RANBP2: variants seen among roughly 807,000 people sequenced by gnomAD.
The protein encoded by RANBP2 is E3 SUMO-protein ligase RanBP2.
A neutral mutation model predicts 303.6 loss-of-function variants in RANBP2; 57 were observed. The ratio of observed to expected loss-of-function variants is 0.19; its 90% CI spans 0.15 to 0.23. The LOEUF is 0.23. Among genes scored for constraint, RANBP2 ranks in the 10% least tolerant of loss-of-function variants. RANBP2 has a pLI of 1.00. For synonymous variants in RANBP2, 1,167 were observed against 1,301.5 expected (o/e 0.90, Z 2.23); for missense variants, 3,138 against 3,780.8 (o/e 0.83, Z 4.46).
chr2:109,432,055 C>T, the RANBP2 span, among the ~76,000 whole-genome samples: 1 of 152,146 alleles, frequency 6.6e-6, no homozygotes, highest in Non-Finnish European at 1.5e-5. Flanking sequence ...AAACCCAGCC[C>T]AAGAATAGCT....
intron 12 of RANBP2, 56 bp downstream of exon 12, chr2:108,752,050 A>C: frequency 6.2e-7 from 1 of 1,604,060 alleles, no homozygotes; most frequent in Non-Finnish European, 8.5e-7. Context: ...TTTTAAAATC[A>C]TGAACTTTTT....
chr2:109,216,210 A>G, the RANBP2 span, among the ~76,000 whole-genome samples: 1 of 152,134 alleles, frequency 6.6e-6, no homozygotes, highest in South Asian at 2.1e-4. Flanking sequence ...CCATCATTGC[A>G]TCTACTGTTG....
chr2:108,839,351 A>C, the RANBP2 span: 1 of 1,444,146 alleles, frequency 6.9e-7, no homozygotes, highest in Non-Finnish European at 9.5e-7. Context: ...ACCTAATATT[A>C]CTTCTTGATC....
the RANBP2 span, among the ~76,000 whole-genome samples, chr2:109,735,338 T>TG: frequency 6.6e-6 from 1 of 152,210 alleles, no homozygotes; most frequent in Non-Finnish European, 1.5e-5. Flanking sequence ...AATGAGAGAA[T>TG]TTTATTTTTT....
the RANBP2 span, among the ~76,000 whole-genome samples, chr2:108,827,814 TAA>T: frequency 8.9e-3 from 1,187 of 134,082 alleles, 12 homozygotes; most frequent in African/African-American, 0.023. Flanking sequence ...AGAATATGTC[TAA>T]AAAAAAAAAA....
chr2:109,297,103 C>T, the RANBP2 span, among the ~76,000 whole-genome samples: 1 of 151,684 alleles, frequency 6.6e-6, no homozygotes, highest in Non-Finnish European at 1.5e-5. Flanking sequence ...GGATGGGAAG[C>T]CCAATACGGC....
chr2:109,655,036 G>A, the RANBP2 span, among the ~76,000 whole-genome samples: 2 of 151,786 alleles, frequency 1.3e-5, no homozygotes, highest in African/African-American at 4.8e-5. Context: ...CCGAGTAGCT[G>A]GCATTACAGG....
At chr2:109,009,605 A>C in the RANBP2 span, among the ~76,000 whole-genome samples, 2 of 151,750 alleles carry the variant, frequency 1.3e-5, no homozygotes, top group Non-Finnish European at 2.9e-5. Context: ...AGCTCACCAC[A>C]GCCTCCAACT....
the RANBP2 span, among the ~76,000 whole-genome samples, chr2:109,329,962 C>T: frequency 6.6e-6 from 1 of 152,216 alleles, no homozygotes; most frequent in Non-Finnish European, 1.5e-5. Flanking sequence ...TCTTGGACCC[C>T]TAGTCATGGT....
chr2:108,735,437 A>G (rs1188427077), intron 4 of RANBP2, 95 bp from the exon 5 acceptor site: 5 of 1,595,968 alleles, frequency 3.1e-6, no homozygotes, highest in Non-Finnish European at 4.2e-6. Flanking sequence ...TCATCATAAA[A>G]CTAGACATAG....
the RANBP2 span, among the ~76,000 whole-genome samples, chr2:109,566,472 T>TAATG: frequency 6.6e-6 from 1 of 152,084 alleles, no homozygotes; most frequent in Non-Finnish European, 1.5e-5. Flanking sequence ...AAGACAAAGA[T>TAATG]AATGTTGAGG....
At chr2:109,513,872 A>G in the RANBP2 span, among the ~76,000 whole-genome samples, 1 of 151,694 alleles carries the variant, frequency 6.6e-6, no homozygotes, top group South Asian at 2.1e-4. Flanking sequence ...TCAGCATCCA[A>G]CAAAGCACTT....
At chr2:109,719,410 T>A in the RANBP2 span, among the ~76,000 whole-genome samples, 1 of 1,436 alleles carries the variant, frequency 7.0e-4, no homozygotes, top group Non-Finnish European at 0.026. Context: ...GTGATATATC[T>A]TTTTTTTTTT....
the RANBP2 span, among the ~76,000 whole-genome samples, chr2:109,140,034 A>G: frequency 6.6e-6 from 1 of 152,302 alleles, no homozygotes; most frequent in East Asian, 1.9e-4. Context: ...AACTGTGCCT[A>G]CATAACTCAC....
At chr2:109,318,063 G>A in the RANBP2 span, among the ~76,000 whole-genome samples, 46,272 of 149,582 alleles carry the variant, frequency 0.31, 8,848 homozygotes, top group African/African-American at 0.54. Context: ...TCTCTCCTCT[G>A]TTTTTCTAAG....
chr2:108,741,764 G>A (rs1247022082), intron 7 of RANBP2, among the ~76,000 whole-genome samples: 17 of 146,712 alleles, frequency 1.2e-4, no homozygotes, highest in East Asian at 4.1e-4. Flanking sequence ...CACCTGCCTC[G>A]GCCTCCCAAA....
chr2:108,791,557 TA>T, the RANBP2 span: 2 of 1,243,692 alleles, frequency 1.6e-6, no homozygotes, highest in Non-Finnish European at 1.2e-6. Flanking sequence ...TTTTGCAGTT[TA>T]AAAAATGTTT....
chr2:109,145,552 C>T, the RANBP2 span, among the ~76,000 whole-genome samples: 117 of 152,230 alleles, frequency 7.7e-4, no homozygotes, highest in Non-Finnish European at 1.5e-3. Context: ...ACACATCCTC[C>T]ACCCCTAGGC....
chr2:109,406,012 C>T, the RANBP2 span, among the ~76,000 whole-genome samples: 1 of 152,196 alleles, frequency 6.6e-6, no homozygotes, highest in Non-Finnish European at 1.5e-5. Flanking sequence ...GGCTGCACAT[C>T]GATGGCTGGG....
Sources: gnomAD v4.1 joint callset for allele counts (sites outside exome capture counted in the v4.1 genomes callset) on GRCh38, gnomAD v4.1.1 for gene constraint, MANE v1.5 for transcripts, NCBI Gene and HGNC (gene_info 2026-07-23, HGNC 2026-07-21) for gene names.